The following TTC29 variants were observed in gnomAD, a reference collection of about 807,000 sequenced individuals.
The protein encoded by TTC29 is tetratricopeptide repeat protein 29.
In TTC29, 49 loss-of-function variants were observed where a neutral mutation model predicts 58.1. That is an observed-to-expected ratio of 0.84 (90% confidence interval 0.67 to 1.07). The LOEUF (loss-of-function observed/expected upper bound fraction) is 1.07, where lower values mean the gene tolerates loss of function less well. TTC29 is among the 50% of genes least tolerant of loss of function. The pLI, the probability that TTC29 is intolerant of heterozygous loss-of-function variation, is 0.00. For missense variants in TTC29, 582 were observed against 555.6 expected (o/e 1.05, Z -0.48); for synonymous variants, 209 against 196.8 (o/e 1.06, Z -0.52).
chr4:146,711,447 C>T (rs1221943809), intron 11 of TTC29, among the ~76,000 whole-genome samples: 1 of 152,058 alleles, frequency 6.6e-6, no homozygotes, highest in Admixed American at 6.6e-5. Flanking sequence ...ACCCTGCAGG[C>T]TATTATTCCA....
intron 11 of TTC29, among the ~76,000 whole-genome samples, chr4:146,783,797 C>T (rs1748799350): frequency 1.3e-5 from 2 of 151,932 alleles, no homozygotes; most frequent in South Asian, 2.1e-4. Flanking sequence ...TTATGTTAAA[C>T]AGTACCATTT....
chr4:146,894,911 C>T (rs1732662864), intron 6 of TTC29, among the ~76,000 whole-genome samples: 1 of 152,042 alleles, frequency 6.6e-6, no homozygotes, highest in Admixed American at 6.5e-5. Context: ...TAAAAGCATG[C>T]CATGGTGGTT....
At chr4:146,925,848 A>C (rs1734896963) in intron 4 of TTC29, among the ~76,000 whole-genome samples, 2 of 152,198 alleles carry the variant, frequency 1.3e-5, no homozygotes, top group Admixed American at 1.3e-4. Context: ...GAAAAGTCTG[A>C]AAATTGATTT....
chr4:146,874,790 T>A lies in TTC29; in HGVS notation c.725A>T (p.Asp242Val), dbSNP rs2150222615. 6.2e-7 allele frequency: 1 copy of A among 1,612,138 alleles called. No homozygotes were observed. Among genetic ancestry groups the A allele is most frequent in the Non-Finnish European group, 8.5e-7 (1 of 1,179,276 alleles). ...SLLRTYRLLSDKMLENKEYKQ... is the reference protein window; with the variant it reads ...SLLRTYRLLSVKMLENKEYKQ... ...GTATTCTTTATTTTCTAGCATTTTG[T>A]CTGAGAGTAATCTGTAAGTCCTCAG... Residue 242 changes from aspartate (D) to valine (V), a missense_variant, in exon 7 of 13, where the codon GAC becomes GTC. By Grantham distance (152) the Asp-to-Val change is radical. Coordinates refer to ENST00000325106, the MANE Select transcript of TTC29 (RefSeq NM_031956.4).
Position 146,934,938 on chromosome 4 carries a change from G to A in TTC29, c.176+2656C>T, listed in dbSNP as rs115180617. ...ATTTAGAGTCAACTGAGGCAAAAATGAAATGTGAAAATATTAAGACAGCAC... is the reference window on the plus strand; with the variant it reads ...ATTTAGAGTCAACTGAGGCAAAAATAAAATGTGAAAATATTAAGACAGCAC... On this transcript the variant is annotated intron_variant, in intron 4 of 12. Transcript: ENST00000325106. Among the ~76,000 whole-genome samples, 1,299 of 152,196 alleles carry A rather than the reference G, an allele frequency of 8.5e-3. 17 individuals are homozygous for A. The highest frequency in any genetic ancestry group is 0.03 in the African/African-American group (1,249 of 41,514).
chr4:146,823,117 ATTTGTGAAT>A (rs1241515642), intron 9 of TTC29, among the ~76,000 whole-genome samples: 6 of 151,998 alleles, frequency 3.9e-5, no homozygotes, highest in African/African-American at 1.4e-4. Context: ...ATTAGATCCC[ATTTGTGAAT>A]TTTTGTTTTT....
intron 11 of TTC29, among the ~76,000 whole-genome samples, chr4:146,721,502 A>G (rs1180047013): frequency 2.0e-5 from 3 of 152,160 alleles, no homozygotes; most frequent in African/African-American, 7.2e-5. Context: ...ACCTTGCATG[A>G]TGTCTTAGAG....
chr4:146,913,383 G>T (rs908217477), intron 4 of TTC29, among the ~76,000 whole-genome samples: 1 of 152,088 alleles, frequency 6.6e-6, no homozygotes, highest in African/African-American at 2.4e-5. Context: ...AGATGAAGGT[G>T]CTTTTGCTGG....
At chr4:146,800,115 T>C (rs1415939664) in intron 11 of TTC29, among the ~76,000 whole-genome samples, 1 of 152,214 alleles carries the variant, frequency 6.6e-6, no homozygotes, top group Non-Finnish European at 1.5e-5. Flanking sequence ...CTATTCTTAT[T>C]TTAATATTGG....
At chr4:146,746,300 T>C (rs750625673) in intron 11 of TTC29, among the ~76,000 whole-genome samples, 3 of 152,236 alleles carry the variant, frequency 2.0e-5, no homozygotes, top group Non-Finnish European at 4.4e-5. Context: ...GCTACAACAC[T>C]GTGTAGGACT....
intron 11 of TTC29, among the ~76,000 whole-genome samples, chr4:146,745,063 G>T (rs544696286): frequency 6.6e-6 from 1 of 152,058 alleles, no homozygotes; most frequent in African/African-American, 2.4e-5. Flanking sequence ...CAGATGCCTG[G>T]TATGGGCATT....
At chr4:146,795,426 C>A (rs1749768582) in intron 11 of TTC29, among the ~76,000 whole-genome samples, 1 of 152,070 alleles carries the variant, frequency 6.6e-6, no homozygotes, top group Non-Finnish European at 1.5e-5. Context: ...CATCATCCAC[C>A]AGAAGTGAAA....
intron 8 of TTC29, among the ~76,000 whole-genome samples, chr4:146,862,838 C>T (rs894238647): frequency 3.3e-5 from 5 of 152,106 alleles, no homozygotes; most frequent in Non-Finnish European, 5.9e-5. Flanking sequence ...CCAACTAAAC[C>T]TGGGCCAGGC....
intron 6 of TTC29, among the ~76,000 whole-genome samples, chr4:146,878,841 C>T (rs185964483): frequency 6.6e-6 from 1 of 152,112 alleles, no homozygotes; most frequent in Non-Finnish European, 1.5e-5. Flanking sequence ...ATATAACCAG[C>T]TATATCTGAA....
At chr4:146,923,351 A>T (rs1052813148) in intron 4 of TTC29, among the ~76,000 whole-genome samples, 1 of 151,748 alleles carries the variant, frequency 6.6e-6, no homozygotes, top group Non-Finnish European at 1.5e-5. Flanking sequence ...TAACACACAG[A>T]GAAGTCAATA....
At chr4:146,713,217 T>C (rs1742648288) in intron 11 of TTC29, among the ~76,000 whole-genome samples, 1 of 151,582 alleles carries the variant, frequency 6.6e-6, no homozygotes, top group Non-Finnish European at 1.5e-5. Context: ...AAACATTTAG[T>C]CATGTGAAGT....
At chr4:146,863,357 T>A (rs1052881082) in intron 8 of TTC29, among the ~76,000 whole-genome samples, 1 of 152,156 alleles carries the variant, frequency 6.6e-6, no homozygotes, top group African/African-American at 2.4e-5. Context: ...TCCTCCTTCA[T>A]CCAATTTGGC....
At chr4:146,802,089 T>A (rs1045107413) in intron 11 of TTC29, among the ~76,000 whole-genome samples, 8 of 151,840 alleles carry the variant, frequency 5.3e-5, no homozygotes, top group Non-Finnish European at 8.8e-5. Context: ...CAGGAGTATT[T>A]TTTTTTTCAT....
intron 6 of TTC29, among the ~76,000 whole-genome samples, chr4:146,895,071 T>C (rs1008302227): frequency 6.6e-6 from 1 of 152,276 alleles, no homozygotes. Context: ...TGAGAACATA[T>C]GGTATTTGGT....
Sources: allele counts gnomAD v4.1 joint callset (sites outside exome capture counted in the v4.1 genomes callset), GRCh38; gene constraint gnomAD v4.1.1; transcripts MANE v1.5; gene names NCBI Gene and HGNC (gene_info 2026-07-23, HGNC 2026-07-21).